RBFOX1: variants seen among roughly 807,000 people sequenced by gnomAD.
RBFOX1 encodes RNA binding fox-1 homolog 1.
A neutral mutation model predicts 57.7 loss-of-function variants in RBFOX1; 8 were observed. The ratio of observed to expected loss-of-function variants is 0.14; its 90% CI spans 0.08 to 0.25. RBFOX1 has a LOEUF of 0.25. Among genes scored for constraint, RBFOX1 ranks in the 10% least tolerant of loss-of-function variants. The pLI is 1.00. For missense variants in RBFOX1, 611 were observed against 548.5 expected, an observed-to-expected ratio of 1.11 and a Z score of -1.14; for synonymous variants, 326 against 222.4, an observed-to-expected ratio of 1.47 and a Z score of -4.15.
intron 3 of RBFOX1, among the ~76,000 whole-genome samples, chr16:6,955,594 T>C (rs1332328016): frequency 6.6e-6 from 1 of 152,228 alleles, no homozygotes; most frequent in African/African-American, 2.4e-5. Flanking sequence ...TATATGCTGG[T>C]GCATTGTATT....
chr16:5,313,786 A>G (rs1442683312), intron 1 of RBFOX1, among the ~76,000 whole-genome samples: 1 of 152,106 alleles, frequency 6.6e-6, no homozygotes, highest in Non-Finnish European at 1.5e-5. Context: ...ACCTCCCACT[A>G]GGTCCCTCCC....
chr16:5,611,381 C>G (rs7206471), intron 3 of RBFOX1: 28,269 of 152,016 alleles, frequency 0.19, 2,815 homozygotes, highest in Middle Eastern at 0.28. Context: ...TCACTGCAAC[C>G]CCAGCATCAC....
At chr16:6,205,863 CTTTTT>C (rs34261182) in intron 1 of RBFOX1, among the ~76,000 whole-genome samples, 12 of 97,886 alleles carry the variant, frequency 1.2e-4, no homozygotes, top group East Asian at 1.1e-3. Flanking sequence ...CGAGATCATA[CTTTTT>C]TTTTTTTTTT....
At chr16:7,204,993 A>G (rs763544649) in intron 4 of RBFOX1, among the ~76,000 whole-genome samples, 4 of 152,098 alleles carry the variant, frequency 2.6e-5, no homozygotes, top group Non-Finnish European at 5.9e-5. Flanking sequence ...CTTTCTCTTT[A>G]TCCTACACTC....
chr16:7,002,478 C>G (rs529487977), intron 3 of RBFOX1, among the ~76,000 whole-genome samples: 2 of 152,154 alleles, frequency 1.3e-5, no homozygotes, highest in Non-Finnish European at 2.9e-5. Context: ...ACTTGGGAAG[C>G]TGAGGCAGGC....
chr16:7,396,910 C>T (rs996332628), intron 4 of RBFOX1, among the ~76,000 whole-genome samples: 61 of 152,104 alleles, frequency 4.0e-4, no homozygotes, highest in Middle Eastern at 3.4e-3. Context: ...CACTGCACTC[C>T]GGCCTGGGCT....
chr16:5,502,111 C>T (rs867675927), intron 2 of RBFOX1, among the ~76,000 whole-genome samples: 3 of 151,720 alleles, frequency 2.0e-5, no homozygotes, highest in Non-Finnish European at 2.9e-5. Context: ...CCAGTATGGC[C>T]GGCAGAAGGT....
At chr16:6,979,587 G>A (rs1360131477) in intron 3 of RBFOX1, among the ~76,000 whole-genome samples, 1 of 152,198 alleles carries the variant, frequency 6.6e-6, no homozygotes, top group East Asian at 1.9e-4. Flanking sequence ...TTGCAGCACA[G>A]TACAGGGGTG....
At chr16:5,456,483 T>C (rs1174984109) in intron 1 of RBFOX1, among the ~76,000 whole-genome samples, 3 of 152,214 alleles carry the variant, frequency 2.0e-5, no homozygotes, top group African/African-American at 7.2e-5. Context: ...TCTATGGTGA[T>C]GATGATGATA....
At chr16:6,195,349 G>C (rs2097172914) in intron 1 of RBFOX1, among the ~76,000 whole-genome samples, 1 of 152,126 alleles carries the variant, frequency 6.6e-6, no homozygotes, top group South Asian at 2.1e-4. Context: ...TTCCTTAAAA[G>C]TCAATCAGGA....
chr16:6,497,620 G>A (rs537991902), intron 2 of RBFOX1, among the ~76,000 whole-genome samples: 11 of 151,126 alleles, frequency 7.3e-5, no homozygotes, highest in Non-Finnish European at 1.5e-4. Flanking sequence ...GCAGTGGCGC[G>A]ATCTTGGCTT....
intron 3 of RBFOX1, among the ~76,000 whole-genome samples, chr16:6,934,119 C>A (rs1165218417): frequency 6.6e-6 from 1 of 152,090 alleles, no homozygotes; most frequent in African/African-American, 2.4e-5. Flanking sequence ...CCTCTGCCAC[C>A]CATAGTGAGA....
chr16:5,577,485 T>C (rs2046503083), intron 2 of RBFOX1, among the ~76,000 whole-genome samples: 1 of 152,246 alleles, frequency 6.6e-6, no homozygotes, highest in African/African-American at 2.4e-5. Flanking sequence ...ACCTGTGAGC[T>C]TTTTCCTCCC....
intron 2 of RBFOX1, among the ~76,000 whole-genome samples, chr16:6,422,883 G>A (rs1012976834): frequency 6.6e-6 from 1 of 152,272 alleles, no homozygotes; most frequent in East Asian, 1.9e-4. Context: ...CAAATGCTTA[G>A]CTCCTACTTA....
At chr16:7,058,418 A>G (rs867149616) in intron 4 of RBFOX1, among the ~76,000 whole-genome samples, 6 of 152,186 alleles carry the variant, frequency 3.9e-5, no homozygotes, top group Non-Finnish European at 7.3e-5. Context: ...AAAATACACT[A>G]TTAAGAATCA....
chr16:7,538,095 G>C (rs1349004377), intron 5 of RBFOX1, among the ~76,000 whole-genome samples: 4 of 152,188 alleles, frequency 2.6e-5, no homozygotes, highest in African/African-American at 9.7e-5. Context: ...GTTAGACCTT[G>C]AGACTGGGAG....
intron 1 of RBFOX1, among the ~76,000 whole-genome samples, chr16:6,266,038 C>T (rs1213452378): frequency 1.3e-5 from 2 of 152,108 alleles, no homozygotes; most frequent in African/African-American, 4.8e-5. Flanking sequence ...ACATCCCCAT[C>T]AGGAATGGCC....
intron 3 of RBFOX1, among the ~76,000 whole-genome samples, chr16:6,969,800 C>T (rs1359571874): frequency 2.6e-5 from 4 of 151,996 alleles, no homozygotes; most frequent in African/African-American, 9.7e-5. Context: ...GTGCCCCCTT[C>T]AGTTGTGTTG....
intron 4 of RBFOX1, among the ~76,000 whole-genome samples, chr16:7,368,139 C>T (rs538695329): frequency 1.1e-3 from 163 of 152,024 alleles, no homozygotes; most frequent in African/African-American, 3.6e-3. Flanking sequence ...TGGTGGCACA[C>T]ACCAGTAGTC....
Sources: gnomAD v4.1 joint callset for allele counts (sites outside exome capture counted in the v4.1 genomes callset) on GRCh38, gnomAD v4.1.1 for gene constraint, MANE v1.5 for transcripts, NCBI Gene and HGNC (gene_info 2026-07-23, HGNC 2026-07-21) for gene names.